SLC51B: variants seen among roughly 807,000 people sequenced by gnomAD.
SLC51B encodes organic solute transporter subunit beta.
Under a neutral mutation model 8.0 loss-of-function variants are expected in SLC51B, and 6 were observed. The observed-to-expected ratio is 0.75, with a 90% CI of 0.41 to 1.48. The LOEUF (loss-of-function observed/expected upper bound fraction) is 1.48. SLC51B is among the 40% of genes most tolerant of loss of function. SLC51B has a pLI of 0.01. For synonymous variants in SLC51B, 61 were observed against 54.8 expected (o/e 1.11, Z -0.50); for missense variants, 150 against 149.7 (o/e 1.00, Z -0.01).
At chr15:65,052,829 A>G in intron 3 of SLC51B, 137 bp from the exon 4 acceptor site, 1 of 706,180 alleles carries the variant, frequency 1.4e-6, no homozygotes, top group Non-Finnish European at 2.4e-6. Context: ...GGAATATCCA[A>G]CCATTGCCGC....
chr15:65,051,816 C>A (rs377196715), intron 3 of SLC51B, among the ~76,000 whole-genome samples: 1 of 152,228 alleles, frequency 6.6e-6, no homozygotes, highest in African/African-American at 2.4e-5. Context: ...CTGATTACCA[C>A]CCCCTGGCCC....
intron 3 of SLC51B, among the ~76,000 whole-genome samples, chr15:65,051,956 C>G (rs968681495): frequency 6.6e-6 from 1 of 152,164 alleles, no homozygotes; most frequent in Non-Finnish European, 1.5e-5. Context: ...ATGGGTACAG[C>G]AGACCTGTTC....
chr15:65,053,132 T>C lies in SLC51B; in HGVS notation c.355T>C (p.Phe119Leu). The C allele has an allele frequency of 1.9e-6, 3 of 1,614,138 alleles. No individual in the cohort carries two copies. Among genetic ancestry groups the C allele is most frequent in the South Asian group, 2.2e-5 (2 of 91,078 alleles). The change falls in exon 4 of 4, where the codon TTC becomes CTC. Residue 119 changes from phenylalanine to leucine, a missense_variant. Physicochemically the swap from Phe to Leu is conservative, Grantham distance 22 (BLOSUM62 0). Coordinates refer to ENST00000334287, the MANE Select transcript of SLC51B (RefSeq NM_178859.4). Reference protein sequence around the residue: ...ELKERDVLSVFLPDVPETES With the variant: ...ELKERDVLSVLLPDVPETES ...AAAAGAGAGAGATGTGCTGTCAGTT[T>C]TCCTTCCGGATGTACCAGAAACTGA...
rs2086627679 is a variant in SLC51B, at chr15:65,049,984, C to T, written c.-21C>T. 3 of 1,542,926 alleles carry T rather than the reference C, an allele frequency of 1.9e-6. No individual in the cohort carries two copies. Among genetic ancestry groups the T allele is most frequent in the Admixed American group, 2.0e-5 (1 of 50,554 alleles). On this transcript the variant is annotated 5_prime_UTR_variant, in exon 2 of 4. Coordinates refer to ENST00000334287, the MANE Select transcript of SLC51B (RefSeq NM_178859.4). Reference sequence around the variant, plus strand: ...TAAGGGGTCTAAGGACCTCGTTGCACACGCTACCAGGAGCAGGGGCATGGA... The same window carrying T: ...TAAGGGGTCTAAGGACCTCGTTGCATACGCTACCAGGAGCAGGGGCATGGA...
rs1210765321 is a variant in SLC51B at position 65,053,020 on chromosome 15, T to A, written c.243T>A (p.Asp81Glu). 2 of 1,613,172 alleles carry A rather than the reference T, an allele frequency of 1.2e-6. No homozygotes were observed. The highest frequency in any genetic ancestry group is 1.1e-5 in the South Asian group (1 of 91,022). ...AAACTCCAGAAGTCCTGCATTTGGA[T>A]GAGGCCAAGGATCACAACAGCCTAA... Reference protein sequence around the residue: ...EKETPEVLHLDEAKDHNSLNN... With the variant: ...EKETPEVLHLEEAKDHNSLNN... The change falls in exon 4 of 4, where the codon GAT becomes GAA. Residue 81 changes from aspartate to glutamate, a missense_variant. Coordinates refer to ENST00000334287, the MANE Select transcript of SLC51B (RefSeq NM_178859.4).
intron 2 of SLC51B, among the ~76,000 whole-genome samples, chr15:65,050,833 C>T (rs1483802051): frequency 0.014 from 1,215 of 88,534 alleles, 53 homozygotes; most frequent in African/African-American, 0.051. Flanking sequence ...TCTTCTTCTT[C>T]TTCTTTTTTT....
intron 1 of SLC51B, among the ~76,000 whole-genome samples, 163 bp downstream of exon 1, chr15:65,045,745 C>T (rs1247622298): frequency 6.6e-6 from 1 of 152,186 alleles, no homozygotes; most frequent in Non-Finnish European, 1.5e-5. Context: ...AAATGGGATC[C>T]TGGAACAAGA....
At chr15:65,051,975 A>C (rs924642816) in intron 3 of SLC51B, among the ~76,000 whole-genome samples, 3 of 152,180 alleles carry the variant, frequency 2.0e-5, no homozygotes, top group Non-Finnish European at 4.4e-5. Flanking sequence ...TCCCCCTACG[A>C]CCCAGTCAGA....
At chr15:65,052,837 C>T (rs1273373572) in intron 3 of SLC51B, 129 bp from the exon 4 acceptor site, 13 of 750,618 alleles carry the variant, frequency 1.7e-5, no homozygotes, top group Non-Finnish European at 2.6e-5. Context: ...CAACCATTGC[C>T]GCTTCTCCTC....
chr15:65,050,833 C>CTTTTTTTTTTTTTTT (rs67418433), intron 2 of SLC51B, among the ~76,000 whole-genome samples: 296 of 88,564 alleles, frequency 3.3e-3, no homozygotes, highest in Non-Finnish European at 4.3e-3. Context: ...TCTTCTTCTT[C>CTTTTTTTTTTTTTTT]TTCTTTTTTT....
intron 2 of SLC51B, 40 bp downstream of exon 2, chr15:65,050,141 C>T (rs1240503775): frequency 1.7e-5 from 25 of 1,502,696 alleles, no homozygotes; most frequent in Non-Finnish European, 2.3e-5. Context: ...GGGGGTGTGC[C>T]CCTCAACACA....
Position 65,050,075 on chromosome 15 carries a change from T to C in SLC51B, c.71T>C (p.Met24Thr), listed in dbSNP as rs1483414364. The C allele has an allele frequency of 1.3e-6, 2 of 1,551,552 alleles. No individual in the cohort carries two copies. The highest frequency in any genetic ancestry group is 4.9e-5 in the East Asian group (2 of 40,900). Residue 24 changes from methionine to threonine, a missense_variant, in exon 2 of 4, where the codon ATG (methionine) becomes ACG (threonine). By Grantham distance (81) the Met-to-Thr change is moderately conservative. Coordinates refer to ENST00000334287, the MANE Select transcript of SLC51B (RefSeq NM_178859.4). ...GTACCCCAGGAGCTGCTGGAAGAGA[T>C]GCTTTGGTTTTTTCGTGTGGAAGAT... ...TVVPQELLEE[M>T]LWFFRVEDAS...
chr15:65,049,151 T>C (rs1271807646), intron 1 of SLC51B: 1 of 151,996 alleles, frequency 6.6e-6, no homozygotes, highest in East Asian at 1.9e-4. Flanking sequence ...GTAGTAATAA[T>C]GCAGTTAGTA....
At position 65,049,417 on chromosome 15, in the gene SLC51B, C is replaced by T. The variant is rs113301016; in HGVS notation, c.-108-480C>T. 1,090 of 152,238 alleles carry T rather than the reference C, an allele frequency of 7.2e-3. 4 individuals are homozygous for T. The highest frequency in any genetic ancestry group is 0.012 in the Non-Finnish European group (800 of 68,056). 9.4% of individuals were successfully genotyped at this position (152,238 alleles called of 1,614,324 possible). A position where few individuals can be genotyped will look rare whatever the true frequency, so the allele number is the denominator to read the frequency against. ...AGGAGCCGGCAGCTGCCTTTCCCTC[C>T]GGCACTTTTCCCTTTTCTCCTCTCT... is the stretch of plus-strand genomic sequence containing the variant. On this transcript the variant is annotated intron_variant, in intron 1 of 3. Coordinates refer to ENST00000334287, the MANE Select transcript of SLC51B (RefSeq NM_178859.4).
intron 2 of SLC51B, among the ~76,000 whole-genome samples, chr15:65,051,256 C>T (rs1364075818): frequency 6.6e-6 from 1 of 152,186 alleles, no homozygotes; most frequent in Non-Finnish European, 1.5e-5. Flanking sequence ...TGCCCTTCAC[C>T]CCTGTTGCCC....
chr15:65,053,288 T>G lies in SLC51B; in HGVS notation c.*124T>G, dbSNP rs1302514735. 2.1e-6 allele frequency: 3 copies of G among 1,402,394 alleles called. No individual in the cohort carries two copies. In the African/African-American group the frequency reaches 4.9e-5, roughly 23 times the overall value. The allele number at this position is 1,402,394 out of a possible 1,614,324, so 86.9% of individuals were successfully genotyped here. A position where few individuals can be genotyped will look rare whatever the true frequency, so the allele number is the denominator to read the frequency against. On this transcript the variant is annotated 3_prime_UTR_variant, in exon 4 of 4. Coordinates refer to ENST00000334287, the MANE Select transcript of SLC51B (RefSeq NM_178859.4). ...CGCTTTTTTCTTTTTCTTTCTTTCTTTTTTTTTTTCTTAGCAGATACAATG... is the reference window on the plus strand; with the variant it reads ...CGCTTTTTTCTTTTTCTTTCTTTCTGTTTTTTTTTCTTAGCAGATACAATG...
chr15:65,047,423 C>T (rs547871544), intron 1 of SLC51B, among the ~76,000 whole-genome samples: 1 of 152,110 alleles, frequency 6.6e-6, no homozygotes, highest in East Asian at 1.9e-4. Flanking sequence ...GTATTGTTCT[C>T]ATGAAAGCAG....
rs1029168379 is a variant in SLC51B at position 65,051,606 on chromosome 15, G to T, written c.188+1G>T. Reference sequence around the variant, plus strand: ...TGGGAAGAAGCATCCAGGCAAGCAGGTGAGGAGCTGGTCCTGGGGGGATGG... The same window carrying T: ...TGGGAAGAAGCATCCAGGCAAGCAGTTGAGGAGCTGGTCCTGGGGGGATGG... On this transcript the variant is annotated splice_donor_variant, in intron 3 of 3. Transcript: ENST00000334287. LOFTEE classifies it high-confidence loss of function. 1.2e-6 allele frequency: 2 copies of T among 1,613,052 alleles called. No individual in the cohort carries two copies. Among genetic ancestry groups the T allele is most frequent in the Non-Finnish European group, 1.7e-6 (2 of 1,179,468 alleles).
In SLC51B at chr15:65,048,121, C is replaced by T. The variant is rs141997485; in HGVS notation, c.-108-1776C>T. ...GCTTGGACCCAGGAGGCATAGGTTG[C>T]AGTGAGCTGAGATCACGTCACTGCA... On this transcript the variant is annotated intron_variant, in intron 1 of 3. Coordinates refer to ENST00000334287, the MANE Select transcript of SLC51B (RefSeq NM_178859.4). Among the ~76,000 whole-genome samples, 514 of 151,442 alleles carry T rather than the reference C, an allele frequency of 3.4e-3. 4 individuals carry two copies. Among genetic ancestry groups the T allele is most frequent in the Middle Eastern group, 0.01 (3 of 294 alleles).
Sources: allele counts gnomAD v4.1 joint callset (sites outside exome capture counted in the v4.1 genomes callset), GRCh38; gene constraint gnomAD v4.1.1; transcripts MANE v1.5; gene names NCBI Gene and HGNC (gene_info 2026-07-23, HGNC 2026-07-21).